ATG7: variants seen among roughly 807,000 people sequenced by gnomAD.
The protein encoded by ATG7 is autophagy related 7.
A neutral mutation model predicts 82.4 loss-of-function variants in ATG7; 70 were observed. The observed-to-expected ratio is 0.85, with a 90% CI of 0.70 to 1.04. ATG7 has a LOEUF of 1.04. ATG7 is among the 50% of genes least tolerant of loss of function. ATG7 has a pLI of 0.00. For synonymous variants in ATG7, 287 were observed against 313.0 expected, an observed-to-expected ratio of 0.92 and a Z score of 0.88; for missense variants, 792 against 864.3, an observed-to-expected ratio of 0.92 and a Z score of 1.05.
At chr3:11,321,693 C>T (rs1301271825) in intron 9 of ATG7, among the ~76,000 whole-genome samples, 3 of 152,036 alleles carry the variant, frequency 2.0e-5, no homozygotes, top group African/African-American at 4.8e-5. Context: ...CTTAATGGGT[C>T]GAACCCTCTG....
intron 3 of ATG7, among the ~76,000 whole-genome samples, chr3:11,288,340 AT>A (rs1404553994): frequency 6.6e-6 from 1 of 152,180 alleles, no homozygotes; most frequent in Non-Finnish European, 1.5e-5. Context: ...GAGAGCTATT[AT>A]TTCATTTCAA....
intron 20 of ATG7, among the ~76,000 whole-genome samples, chr3:11,427,830 AAT>A (rs1296196597): frequency 6.6e-6 from 1 of 151,548 alleles, no homozygotes; most frequent in Non-Finnish European, 1.5e-5. Flanking sequence ...AAAAAAAAAA[AAT>A]TATTGTGTTT....
intron 14 of ATG7, among the ~76,000 whole-genome samples, chr3:11,355,127 G>A (rs895606037): frequency 6.6e-6 from 1 of 152,228 alleles, no homozygotes; most frequent in African/African-American, 2.4e-5. Flanking sequence ...TGTACTCACA[G>A]CACGACTCTC....
intron 18 of ATG7, among the ~76,000 whole-genome samples, chr3:11,372,793 A>G (rs2077090632): frequency 6.8e-6 from 1 of 146,082 alleles, no homozygotes. Flanking sequence ...GTTGGTAGGT[A>G]AGGGCTGGGT....
intron 20 of ATG7, among the ~76,000 whole-genome samples, 156 bp from the exon 21 acceptor site, chr3:11,554,655 G>A (rs950925795): frequency 3.3e-5 from 5 of 152,182 alleles, no homozygotes; most frequent in African/African-American, 9.7e-5. Flanking sequence ...TCTGAGATTT[G>A]GTTTCCTTGT....
intron 20 of ATG7, among the ~76,000 whole-genome samples, chr3:11,478,132 C>G (rs553512813): frequency 6.6e-5 from 10 of 152,216 alleles, no homozygotes; most frequent in African/African-American, 2.2e-4. Context: ...GACCGACAGT[C>G]TTGTTAGAGA....
chr3:11,285,521 G>A (rs557073697), intron 3 of ATG7, among the ~76,000 whole-genome samples: 8 of 152,142 alleles, frequency 5.3e-5, no homozygotes, highest in African/African-American at 1.7e-4. Context: ...TGCACTGATA[G>A]CAAATGTTTA....
At chr3:11,361,909 C>T (rs2076309121) in intron 16 of ATG7, among the ~76,000 whole-genome samples, 1 of 152,106 alleles carries the variant, frequency 6.6e-6, no homozygotes, top group African/African-American at 2.4e-5. Context: ...TTTTCTGTAA[C>T]CTCCCCTCTA....
intron 20 of ATG7, among the ~76,000 whole-genome samples, chr3:11,429,933 G>A (rs1426871530): frequency 4.4e-5 from 6 of 137,038 alleles, no homozygotes; most frequent in East Asian, 2.3e-4. Context: ...GCGACAGAGC[G>A]AGACTCTGTC....
At position 11,427,955 on chromosome 3, in the gene ATG7, A is replaced by G. The variant is rs536487674; in HGVS notation, c.2079+1029A>G. The stretch of plus-strand genomic sequence containing the variant: ...AGAATTGATGAGTGAGATTAAATCA[A>G]TCTTTTCCCCTTAGTTACCTGGATA... On this transcript the variant is annotated intron_variant, in intron 20 of 20. Coordinates refer to ENST00000693202, the MANE Select transcript of ATG7 (RefSeq NM_001349232.2). Among the ~76,000 whole-genome samples the G allele has an allele frequency of 2.4e-3, 372 of 152,362 alleles. 3 individuals carry two copies. Among genetic ancestry groups the G allele is most frequent in the Non-Finnish European group, 4.1e-3 (282 of 68,042 alleles).
At chr3:11,313,451 A>T in intron 8 of ATG7, 31 bp downstream of exon 8, 2 of 1,510,460 alleles carry the variant, frequency 1.3e-6, no homozygotes, top group Non-Finnish European at 1.8e-6. Flanking sequence ...TGCACATAAA[A>T]TTGGGTTGAA....
At chr3:11,396,342 A>AG (rs1181716058) in intron 19 of ATG7, among the ~76,000 whole-genome samples, 1 of 151,938 alleles carries the variant, frequency 6.6e-6, no homozygotes, top group Non-Finnish European at 1.5e-5. Context: ...CAGGGGGTTG[A>AG]GGTGAGAGGA....
chr3:11,446,318 C>G (rs2084548802), intron 20 of ATG7, among the ~76,000 whole-genome samples: 1 of 151,828 alleles, frequency 6.6e-6, no homozygotes, highest in Non-Finnish European at 1.5e-5. Context: ...TCTTTAACAC[C>G]TAGATTTCAT....
intron 20 of ATG7, among the ~76,000 whole-genome samples, chr3:11,542,325 C>T (rs540739033): frequency 1.3e-5 from 2 of 152,314 alleles, no homozygotes; most frequent in Non-Finnish European, 2.9e-5. Context: ...ATAGCGGGAC[C>T]CTGAGGTCCA....
chr3:11,530,711 A>T (rs2092679468), intron 20 of ATG7, among the ~76,000 whole-genome samples: 1 of 152,100 alleles, frequency 6.6e-6, no homozygotes, highest in Non-Finnish European at 1.5e-5. Context: ...CTTTAAAATG[A>T]AGCCTGAGCC....
chr3:11,495,509 G>A (rs1455545876), intron 20 of ATG7, among the ~76,000 whole-genome samples: 2 of 152,156 alleles, frequency 1.3e-5, no homozygotes, highest in Non-Finnish European at 2.9e-5. Flanking sequence ...GGTCAATAGA[G>A]AGAGGGTGCC....
At chr3:11,445,201 G>A (rs2084412790) in intron 20 of ATG7, among the ~76,000 whole-genome samples, 1 of 152,094 alleles carries the variant, frequency 6.6e-6, no homozygotes, top group South Asian at 2.1e-4. Flanking sequence ...CCCATTACTG[G>A]GTATATACCC....
intron 9 of ATG7, 56 bp downstream of exon 9, chr3:11,315,549 T>TC: frequency 7.0e-7 from 1 of 1,433,672 alleles, no homozygotes; most frequent in African/African-American, 1.5e-5. Flanking sequence ...AATCTGAAGT[T>TC]CATGTTACAA....
chr3:11,295,964 G>GA (rs1165406122), intron 3 of ATG7, among the ~76,000 whole-genome samples: 4 of 151,972 alleles, frequency 2.6e-5, no homozygotes, highest in Non-Finnish European at 5.9e-5. Context: ...TTTTGGTAGA[G>GA]ACGGGGTTTC....
Sources: gnomAD v4.1 joint callset for allele counts (sites outside exome capture counted in the v4.1 genomes callset) on GRCh38, gnomAD v4.1.1 for gene constraint, MANE v1.5 for transcripts, NCBI Gene and HGNC (gene_info 2026-07-23, HGNC 2026-07-21) for gene names.